The following FILIP1L variants were observed in gnomAD, a reference collection of about 807,000 sequenced individuals.
FILIP1L encodes the protein filamin A interacting protein 1 like.
Under a neutral mutation model 96.6 loss-of-function variants are expected in FILIP1L, and 55 were observed. The observed-to-expected ratio is 0.57, with a 90% CI of 0.46 to 0.71. FILIP1L has a LOEUF of 0.71. Ranked by LOEUF, FILIP1L falls within the 30% of genes least tolerant of loss-of-function variation. The pLI, the probability that FILIP1L is intolerant of heterozygous loss-of-function variation, is 0.00. For synonymous variants in FILIP1L, 467 were observed against 473.9 expected (o/e 0.99, Z 0.19); for missense variants, 1,304 against 1,321.2 (o/e 0.99, Z 0.20).
intron 4 of FILIP1L, among the ~76,000 whole-genome samples, chr3:99,911,503 G>A (rs551395074): frequency 6.6e-6 from 1 of 152,100 alleles, no homozygotes; most frequent in South Asian, 2.1e-4. Context: ...TCAGGATAAA[G>A]GGGAAATCCA....
chr3:99,832,994 C>A, intron 5 of FILIP1L: 1 of 489,932 alleles, frequency 2.0e-6, no homozygotes, highest in Non-Finnish European at 3.6e-6. Context: ...AAGTTTTGTC[C>A]AAATTTGGAA....
In FILIP1L at chr3:99,930,872, C is replaced by T; in HGVS notation, c.149G>A (p.Cys50Tyr). 6.2e-7 allele frequency: 1 copy of T among 1,613,180 alleles called. No homozygotes were observed. The highest frequency in any genetic ancestry group is 8.5e-7 in the Non-Finnish European group (1 of 1,179,800). The change falls in exon 2 of 6, where the codon TGT (cysteine) becomes TAT (tyrosine). Residue 50 changes from cysteine (C) to tyrosine (Y), a missense_variant. Physicochemically the swap from Cys to Tyr is radical, Grantham distance 194 (BLOSUM62 -2). Transcript: ENST00000477258. Reference sequence around the variant, plus strand: ...ACTGTGTGGCTTCTCTGCCTTGGGACACGGAAGTATTACATCCGACTCACT... The same window carrying T: ...ACTGTGTGGCTTCTCTGCCTTGGGATACGGAAGTATTACATCCGACTCACT... ...SPSESDVILPCPKAEKPHSGN... is the reference protein window; with the variant it reads ...SPSESDVILPYPKAEKPHSGN...
At chr3:100,009,278 C>T (rs1710075008) in intron 1 of FILIP1L, among the ~76,000 whole-genome samples, 1 of 152,104 alleles carries the variant, frequency 6.6e-6, no homozygotes, top group East Asian at 1.9e-4. Flanking sequence ...AATTTATTTT[C>T]CTGTTGTCCT....
chr3:99,850,387 A>G lies in FILIP1L; in HGVS notation c.1289T>C (p.Leu430Ser), dbSNP rs1943616578. The G allele has an allele frequency of 6.2e-7, 1 of 1,613,430 alleles. No individual in the cohort carries two copies. Among genetic ancestry groups the G allele is most frequent in the African/African-American group, 1.3e-5 (1 of 74,912 alleles). The part of the protein sequence containing the change: ...LSKRIMALEK[L>S]EDAFNKSKQE... ...TTTGCTTTTGTTGAAAGCGTCTTCTAACTTTTCCAGAGCCATAATTCTTTT... is the reference window on the plus strand; with the variant it reads ...TTTGCTTTTGTTGAAAGCGTCTTCTGACTTTTCCAGAGCCATAATTCTTTT... Residue 430 changes from leucine to serine, a missense_variant, in exon 5 of 6, where the codon TTA becomes TCA. Leu to Ser is a moderately radical substitution (Grantham distance 145). Transcript: ENST00000477258.
intron 4 of FILIP1L, among the ~76,000 whole-genome samples, chr3:99,859,628 T>C (rs558141494): frequency 6.6e-6 from 1 of 152,238 alleles, no homozygotes; most frequent in Non-Finnish European, 1.5e-5. Context: ...TCCCATTTTA[T>C]CTTTTAGCAA....
intron 4 of FILIP1L, among the ~76,000 whole-genome samples, chr3:99,851,565 A>C (rs1171923477): frequency 1.3e-5 from 2 of 152,248 alleles, no homozygotes; most frequent in Non-Finnish European, 2.9e-5. Flanking sequence ...TAAATGCGGT[A>C]ATTCATCTAA....
intron 1 of FILIP1L, among the ~76,000 whole-genome samples, chr3:100,106,990 G>A (rs936003845): frequency 6.6e-6 from 1 of 152,188 alleles, no homozygotes; most frequent in African/African-American, 2.4e-5. Flanking sequence ...TGCCACCAAT[G>A]TGTGTCTGAC....
intron 1 of FILIP1L, among the ~76,000 whole-genome samples, chr3:99,965,119 GA>G (rs1708610887): frequency 6.6e-6 from 1 of 152,158 alleles, no homozygotes; most frequent in African/African-American, 2.4e-5. Flanking sequence ...ATTGGTCCAG[GA>G]AAATGTTTTC....
chr3:99,847,148 C>A (rs1559654197), intron 5 of FILIP1L, among the ~76,000 whole-genome samples: 1 of 151,796 alleles, frequency 6.6e-6, no homozygotes, highest in Admixed American at 6.6e-5. Context: ...TTTAAATATG[C>A]CTTTTCTATA....
At chr3:99,982,379 A>G (rs1299768144) in intron 1 of FILIP1L, among the ~76,000 whole-genome samples, 1 of 151,804 alleles carries the variant, frequency 6.6e-6, no homozygotes, top group Non-Finnish European at 1.5e-5. Flanking sequence ...TCACTCTTTC[A>G]ACCAGGCTAG....
Position 99,848,446 on chromosome 3 carries a change from G to A in FILIP1L, c.3230C>T (p.Pro1077Leu), listed in dbSNP as rs761594087. The A allele has an allele frequency of 1.5e-5, 24 of 1,614,052 alleles. No homozygotes were observed. The highest frequency in any genetic ancestry group is 2.0e-5 in the Non-Finnish European group (24 of 1,180,016). ...GSPYMQAVAS[P>L]VRPASPSAPL... ...TGCTGAAGGGCTGGCAGGTCTCACAGGGCTGGCTACAGCTTGCATGTAAGG... is the reference window on the plus strand; with the variant it reads ...TGCTGAAGGGCTGGCAGGTCTCACAAGGCTGGCTACAGCTTGCATGTAAGG... Residue 1077 changes from proline (P) to leucine (L), a missense_variant, in exon 5 of 6, where the codon CCT becomes CTT. Transcript: ENST00000477258.
chr3:99,858,773 T>C (rs1944098935), intron 4 of FILIP1L, among the ~76,000 whole-genome samples: 1 of 152,198 alleles, frequency 6.6e-6, no homozygotes, highest in African/African-American at 2.4e-5. Flanking sequence ...GATATCTTCT[T>C]CACTCTCAAA....
intron 1 of FILIP1L, among the ~76,000 whole-genome samples, chr3:100,089,285 T>A (rs2066064328): frequency 6.6e-6 from 1 of 152,188 alleles, no homozygotes; most frequent in South Asian, 2.1e-4. Flanking sequence ...AAGTATTTTA[T>A]TATTTAGAGT....
chr3:99,964,913 A>G (rs1708602392), intron 1 of FILIP1L, among the ~76,000 whole-genome samples: 1 of 152,178 alleles, frequency 6.6e-6, no homozygotes, highest in Non-Finnish European at 1.5e-5. Context: ...CACAGATACA[A>G]TAGTTTCCCA....
chr3:100,043,427 T>C (rs919245155), intron 1 of FILIP1L, among the ~76,000 whole-genome samples: 1 of 152,236 alleles, frequency 6.6e-6, no homozygotes, highest in African/African-American at 2.4e-5. Flanking sequence ...CAGCAGTCTC[T>C]AAGGTCTCTT....
intron 1 of FILIP1L, among the ~76,000 whole-genome samples, chr3:99,995,239 G>C (rs1027879317): frequency 6.6e-6 from 1 of 152,044 alleles, no homozygotes; most frequent in African/African-American, 2.4e-5. Context: ...CAAAACAAAG[G>C]GGCTACGGGG....
intron 1 of FILIP1L, among the ~76,000 whole-genome samples, chr3:99,951,321 T>G (rs906198851): frequency 6.6e-6 from 1 of 152,138 alleles, no homozygotes; most frequent in Non-Finnish European, 1.5e-5. Context: ...ATCTATATTA[T>G]TATCTAAAGA....
chr3:100,055,297 C>G (rs998314150), intron 1 of FILIP1L, among the ~76,000 whole-genome samples: 1 of 152,174 alleles, frequency 6.6e-6, no homozygotes, highest in Non-Finnish European at 1.5e-5. Context: ...TTTAGCATTA[C>G]TGAACACCTC....
intron 4 of FILIP1L, among the ~76,000 whole-genome samples, chr3:99,920,065 T>A (rs1707076762): frequency 6.6e-6 from 1 of 152,198 alleles, no homozygotes; most frequent in Admixed American, 6.5e-5. Flanking sequence ...AGGCCAAGAT[T>A]TTATGAAAAG....
Sources: gnomAD v4.1 joint callset for allele counts (sites outside exome capture counted in the v4.1 genomes callset) on GRCh38, gnomAD v4.1.1 for gene constraint, MANE v1.5 for transcripts, NCBI Gene and HGNC (gene_info 2026-07-23, HGNC 2026-07-21) for gene names.